ENTPD1: variants seen among roughly 807,000 people sequenced by gnomAD.
ENTPD1 encodes ATP diphosphohydrolase.
Under a neutral mutation model 57.0 loss-of-function variants are expected in ENTPD1, and 33 were observed. The observed-to-expected ratio is 0.58, with a 90% confidence interval of 0.44 to 0.77. The LOEUF is 0.77. Among genes scored for constraint, ENTPD1 ranks in the 30% least tolerant of loss-of-function variants. ENTPD1 has a pLI of 0.00. For missense variants in ENTPD1, 501 were observed against 603.4 expected (o/e 0.83, Z 1.78); for synonymous variants, 202 against 218.8 (o/e 0.92, Z 0.68).
chr10:95,867,504 C>A lies in ENTPD1; in HGVS notation c.*1121C>A. The A allele has an allele frequency of 1.0e-6, 1 of 985,488 alleles. No individual in the cohort carries two copies. The highest frequency in any genetic ancestry group is 1.2e-6 in the Non-Finnish European group (1 of 829,936). The allele number at this position is 985,488 out of a possible 1,614,324, so 61.0% of individuals were successfully genotyped here. On this transcript the variant is annotated 3_prime_UTR_variant, in exon 10 of 10. Transcript: ENST00000371205. Reference sequence around the variant, plus strand: ...AAGGTTTAATTTAGTGAGAGGGCAGCATTAGTGTGGAGTGGCATGCTTTTG... The same window carrying A: ...AAGGTTTAATTTAGTGAGAGGGCAGAATTAGTGTGGAGTGGCATGCTTTTG...
chr10:95,852,584 A>G (rs558311943), intron 7 of ENTPD1, among the ~76,000 whole-genome samples: 1 of 152,152 alleles, frequency 6.6e-6, no homozygotes. Flanking sequence ...TAAGTCTTTA[A>G]TCCATCTTGA....
intron 1 of ENTPD1, among the ~76,000 whole-genome samples, chr10:95,716,080 G>C (rs193094750): frequency 7.9e-4 from 121 of 152,266 alleles, no homozygotes; most frequent in African/African-American, 2.8e-3. Flanking sequence ...GGCCCATGCT[G>C]GTCTTAAAGT....
chr10:95,857,271 T>A (rs2098456781), intron 7 of ENTPD1, among the ~76,000 whole-genome samples: 1 of 152,192 alleles, frequency 6.6e-6, no homozygotes, highest in Non-Finnish European at 1.5e-5. Flanking sequence ...ATCTACCTCA[T>A]AGAAATTTGT....
At chr10:95,767,096 GA>G (rs1219859165) in intron 1 of ENTPD1, among the ~76,000 whole-genome samples, 1 of 151,456 alleles carries the variant, frequency 6.6e-6, no homozygotes, top group Admixed American at 6.6e-5. Flanking sequence ...CCAGGCTGTG[GA>G]AATAAAAGAA....
chr10:95,823,123 T>C (rs750205970), intron 1 of ENTPD1, 114 bp from the exon 2 acceptor site: 15 of 1,307,536 alleles, frequency 1.1e-5, no homozygotes, highest in African/African-American at 4.4e-5. Flanking sequence ...AAGATTGGCT[T>C]TTAATCTGTC....
chr10:95,786,266 C>A (rs2098179363), intron 1 of ENTPD1, among the ~76,000 whole-genome samples: 1 of 152,144 alleles, frequency 6.6e-6, no homozygotes, highest in South Asian at 2.1e-4. Flanking sequence ...GTGAGAAGGA[C>A]CACACAGCTT....
chr10:95,722,257 T>C (rs1461507831), intron 1 of ENTPD1, among the ~76,000 whole-genome samples: 1 of 151,582 alleles, frequency 6.6e-6, no homozygotes, highest in East Asian at 1.9e-4. Context: ...TTATCCCAAG[T>C]TCATTGTTTT....
At chr10:95,854,259 C>T (rs973141705) in intron 7 of ENTPD1, among the ~76,000 whole-genome samples, 1 of 152,186 alleles carries the variant, frequency 6.6e-6, no homozygotes, top group Non-Finnish European at 1.5e-5. Flanking sequence ...GTTTGTATTT[C>T]TGTGGGATCG....
chr10:95,865,876 TC>T (rs1390033509), intron 9 of ENTPD1, among the ~76,000 whole-genome samples: 3 of 151,994 alleles, frequency 2.0e-5, no homozygotes, highest in Non-Finnish European at 4.4e-5. Context: ...TAAATGATCC[TC>T]CCCACCCAGG....
At position 95,864,771 on chromosome 10, in the gene ENTPD1, C is replaced by G. The variant is rs769725412; in HGVS notation, c.1236C>G (p.Tyr412Ter). ...AGVKEKYLSEYCFSGTYILSL... is the reference protein window; with the variant it reads ...AGVKEKYLSE ...TAAAGGAGAAGTACCTGAGTGAATA[C>G]TGCTTTTCTGGTACCTACATTCTCT... Residue 412 changes from tyrosine (Y) to a stop codon, truncating the protein, a stop_gained, in exon 9 of 10, where the codon TAC becomes TAG. Transcript: ENST00000371205. LOFTEE classifies it high-confidence loss of function. The G allele has an allele frequency of 2.5e-6, 4 of 1,614,110 alleles. No homozygotes were observed. Among genetic ancestry groups the G allele is most frequent in the Non-Finnish European group, 3.4e-6 (4 of 1,180,002 alleles).
At chr10:95,712,097 C>A in intron 1 of ENTPD1, 1 of 1,532,948 alleles carries the variant, frequency 6.5e-7, no homozygotes, top group Non-Finnish European at 9.0e-7. Context: ...TCTCCAAAAC[C>A]TTGATTAATG....
chr10:95,776,927 G>A (rs183050381), intron 1 of ENTPD1, among the ~76,000 whole-genome samples: 8 of 152,094 alleles, frequency 5.3e-5, no homozygotes, highest in African/African-American at 1.7e-4. Flanking sequence ...GATCGAATTG[G>A]CTAATGAAGC....
In ENTPD1 at chr10:95,767,007, G is replaced by A. The variant is rs563750507; in HGVS notation, c.16+10752G>A. ...TGATCCTCCTGCCTCAGCCTTCTGA[G>A]TAGCTAGGGCTACAGGCGTGCACCA... On this transcript the variant is annotated intron_variant, in intron 1 of 9. Coordinates refer to ENST00000371205, the MANE Select transcript of ENTPD1 (RefSeq NM_001776.6). Among the ~76,000 whole-genome samples the A allele has an allele frequency of 5.9e-5, 9 of 151,770 alleles. No homozygotes were observed. In the South Asian group the frequency reaches 1.9e-3, roughly 32 times the overall value.
At chr10:95,752,303 T>C (rs1057011816), upstream of ENTPD1, among the ~76,000 whole-genome samples, 11 of 152,246 alleles carry the variant, frequency 7.2e-5, no homozygotes, top group Admixed American at 2.0e-4. Context: ...AGCTTGTTTG[T>C]GAAGGAGCTG....
intron 7 of ENTPD1, 77 bp from the exon 8 acceptor site, chr10:95,860,378 AGGCACCTGCACAAG>A: frequency 9.9e-7 from 1 of 1,015,026 alleles, no homozygotes; most frequent in Non-Finnish European, 1.5e-6. Context: ...AGAACTTTCC[AGGCACCTGCACAAG>A]GGATGCGGCC....
intron 1 of ENTPD1, among the ~76,000 whole-genome samples, chr10:95,796,948 C>G (rs1001628768): frequency 6.6e-6 from 1 of 151,732 alleles, no homozygotes; most frequent in Non-Finnish European, 1.5e-5. Context: ...GGTGCACGCC[C>G]GTAGTCCCTA....
At position 95,723,944 on chromosome 10, in the gene ENTPD1, G is replaced by A. The variant is rs140871583; in HGVS notation, c.37+11951G>A. On this transcript the variant is annotated intron_variant, in intron 1 of 9. Coordinates refer to the ENTPD1 transcript ENST00000453258. Reference sequence around the variant, plus strand: ...TGGGAGGCTGAGGTGGGCAGATCACGAAGTCAGGAGGTCGAGACCATCTTG... The same window carrying A: ...TGGGAGGCTGAGGTGGGCAGATCACAAAGTCAGGAGGTCGAGACCATCTTG... Among the ~76,000 whole-genome samples the A allele has an allele frequency of 1.3e-3, 198 of 151,994 alleles. 5 individuals are homozygous for A. The East Asian group carries it at 0.037, about 29-fold the overall frequency.
chr10:95,743,686 G>T (rs1158089350), intron 1 of ENTPD1, among the ~76,000 whole-genome samples: 3 of 151,492 alleles, frequency 2.0e-5, no homozygotes, highest in African/African-American at 7.3e-5. Context: ...CTATTTTATT[G>T]TTCAAATTAT....
intron 1 of ENTPD1, among the ~76,000 whole-genome samples, chr10:95,814,710 G>C (rs531632039): frequency 6.6e-6 from 1 of 152,170 alleles, no homozygotes; most frequent in African/African-American, 2.4e-5. Flanking sequence ...AGAATAATTG[G>C]CTAATTAAAA....
Sources: gnomAD v4.1 joint callset for allele counts (sites outside exome capture counted in the v4.1 genomes callset) on GRCh38, gnomAD v4.1.1 for gene constraint, MANE v1.5 for transcripts, NCBI Gene and HGNC (gene_info 2026-07-23, HGNC 2026-07-21) for gene names.